DHDDS: variants seen among roughly 807,000 people sequenced by gnomAD.
The protein encoded by DHDDS is dehydrodolichyl diphosphate synthase subunit, also known as dehydrodolichyl diphosphate synthase complex subunit DHDDS.
In DHDDS, 16 loss-of-function variants were observed where a neutral mutation model predicts 46.2. That is an observed-to-expected ratio of 0.35 (90% confidence interval 0.23 to 0.53). The LOEUF is 0.53. Among genes scored for constraint, DHDDS ranks in the 20% least tolerant of loss-of-function variants. The pLI is 0.94. For missense variants in DHDDS, 340 were observed against 423.7 expected (o/e 0.80, Z 1.73); for synonymous variants, 151 against 163.1 (o/e 0.93, Z 0.56).
intron 4 of DHDDS, 195 bp downstream of exon 4, chr1:26,443,068 G>T: frequency 5.1e-6 from 4 of 784,776 alleles, no homozygotes; most frequent in Non-Finnish European, 7.3e-6. Flanking sequence ...AATAAAAAAG[G>T]GGGCATTTAT....
At chr1:26,460,962 C>G (rs767666318) in intron 8 of DHDDS, among the ~76,000 whole-genome samples, 2 of 152,202 alleles carry the variant, frequency 1.3e-5, no homozygotes, top group Admixed American at 6.5e-5. Flanking sequence ...CAACCTCCCC[C>G]TCCTGGGTTT....
chr1:26,451,194 A>C (rs1348779869), intron 6 of DHDDS, among the ~76,000 whole-genome samples: 1 of 152,142 alleles, frequency 6.6e-6, no homozygotes, highest in Non-Finnish European at 1.5e-5. Context: ...CAACCCACCA[A>C]CTCCTGAAGC....
chr1:26,441,549 T>A (rs2075219378), intron 3 of DHDDS, among the ~76,000 whole-genome samples: 1 of 152,094 alleles, frequency 6.6e-6, no homozygotes. Flanking sequence ...CTGCACAGAT[T>A]TTAGGTTTTG....
chr1:26,441,214 C>T (rs1029253132), intron 3 of DHDDS, among the ~76,000 whole-genome samples: 7 of 151,644 alleles, frequency 4.6e-5, no homozygotes, highest in African/African-American at 9.7e-5. Flanking sequence ...TGAGCCACCA[C>T]GCCCGGCCTG....
intron 6 of DHDDS, chr1:26,448,683 C>T (rs1283446821): frequency 6.6e-6 from 1 of 152,124 alleles, no homozygotes; most frequent in African/African-American, 2.4e-5. Flanking sequence ...TTCTGTATTT[C>T]ATTAAGTCAT....
chr1:26,440,548 C>A (rs560687746), intron 3 of DHDDS, among the ~76,000 whole-genome samples: 1 of 152,276 alleles, frequency 6.6e-6, no homozygotes, highest in African/African-American at 2.4e-5. Flanking sequence ...GTAGCACAGG[C>A]CCTGACCTAA....
In DHDDS at chr1:26,468,909, G is replaced by A; in HGVS notation, c.780G>A (p.Met260Ile). 4 of 1,613,512 alleles carry A rather than the reference G, an allele frequency of 2.5e-6. No homozygotes were observed. Among genetic ancestry groups the A allele is most frequent in the Non-Finnish European group, 3.4e-6 (4 of 1,179,956 alleles). Residue 260 changes from methionine (M) to isoleucine (I), a missense_variant, in exon 9 of 9, where the codon ATG becomes ATA. Transcript: ENST00000236342. ...TTCTCTAGCAGAAGGCCCGAGACATGTATGCAGAGGAGCGGAAGAGGCAGC... is the reference window on the plus strand; with the variant it reads ...TTCTCTAGCAGAAGGCCCGAGACATATATGCAGAGGAGCGGAAGAGGCAGC... ...NHSVLQKARD[M>I]YAEERKRQQL...
chr1:26,460,799 C>T (rs373929100), intron 8 of DHDDS, among the ~76,000 whole-genome samples: 2 of 152,140 alleles, frequency 1.3e-5, no homozygotes, highest in South Asian at 4.1e-4. Context: ...TTTTGGTGTC[C>T]TCATTTTTCA....
intron 6 of DHDDS, among the ~76,000 whole-genome samples, chr1:26,451,444 G>GTA (rs2075319119): frequency 2.2e-5 from 2 of 91,096 alleles, no homozygotes; most frequent in Non-Finnish European, 4.4e-5. Context: ...GTGTGTGTGT[G>GTA]TGTGTGTATT....
rs2075533100 is a variant in DHDDS at position 26,469,694 on chromosome 1, C to T, written c.*563C>T. The T allele has an allele frequency of 4.5e-6, 1 of 219,948 alleles. No individual in the cohort carries two copies. Among genetic ancestry groups the T allele is most frequent in the Admixed American group, 5.2e-5 (1 of 19,338 alleles). 13.6% of individuals were successfully genotyped at this position (219,948 alleles called of 1,614,324 possible). ...CTGGGATTTGCTATTGAATCTCTAC[C>T]CTCTCCCACCACACAGTACTGATTG... On this transcript the variant is annotated 3_prime_UTR_variant, in exon 9 of 9. Coordinates refer to ENST00000236342, the MANE Select transcript of DHDDS (RefSeq NM_205861.3).
intron 6 of DHDDS, chr1:26,448,190 TTTC>T: frequency 6.9e-6 from 1 of 145,824 alleles, no homozygotes; most frequent in African/African-American, 2.7e-5. Flanking sequence ...GTGTTTTTCT[TTTC>T]TTTTTTTTTT....
intron 8 of DHDDS, among the ~76,000 whole-genome samples, chr1:26,466,717 G>A (rs775438401): frequency 3.9e-5 from 6 of 152,308 alleles, no homozygotes; most frequent in Middle Eastern, 3.4e-3. Context: ...GTTGCTGAGC[G>A]TCCCCCATCC....
intron 2 of DHDDS, among the ~76,000 whole-genome samples, chr1:26,437,062 C>T (rs1031556855): frequency 2.0e-5 from 3 of 151,630 alleles, no homozygotes; most frequent in African/African-American, 4.8e-5. Context: ...CACAGCTACT[C>T]GGGAGGCTGA....
At chr1:26,438,723 C>CA (rs201602890) in intron 3 of DHDDS, 1 of 159,826 alleles carries the variant, frequency 6.3e-6, no homozygotes, top group South Asian at 1.6e-4. Context: ...GACACCATCT[C>CA]AAGAAAAAAA....
intron 4 of DHDDS, among the ~76,000 whole-genome samples, chr1:26,444,628 CCCAG>C (rs2075250895): frequency 6.6e-6 from 1 of 152,138 alleles, no homozygotes; most frequent in Non-Finnish European, 1.5e-5. Flanking sequence ...TGCCTATAAT[CCCAG>C]CTATGTGGGA....
Position 26,436,622 on chromosome 1 carries a change from A to G in DHDDS, c.64-1546A>G, listed in dbSNP as rs186385923. On this transcript the variant is annotated intron_variant, in intron 2 of 8. Coordinates refer to ENST00000236342, the MANE Select transcript of DHDDS (RefSeq NM_205861.3). ...GTATTTTTAGTAGAGACGGGGTTTC[A>G]CCGTGTTAGCCAGGATGGGCTCGAT... Among the ~76,000 whole-genome samples the G allele has an allele frequency of 5.2e-4, 78 of 151,202 alleles. 2 individuals carry two copies. Among genetic ancestry groups the G allele is most frequent in the African/African-American group, 1.8e-3 (75 of 41,210 alleles).
At chr1:26,459,936 C>A in intron 7 of DHDDS, 101 bp from the exon 8 acceptor site, 1 of 926,060 alleles carries the variant, frequency 1.1e-6, no homozygotes, top group Non-Finnish European at 1.8e-6. Flanking sequence ...CATCTCTGGG[C>A]TTCTGGGTCC....
intron 5 of DHDDS, among the ~76,000 whole-genome samples, chr1:26,447,199 A>C (rs560601392): frequency 6.6e-6 from 1 of 152,234 alleles, no homozygotes; most frequent in South Asian, 2.1e-4. Context: ...GTGCACCTGT[A>C]ATCCCAGCTA....
chr1:26,454,040 G>A (rs1411086090), intron 6 of DHDDS, among the ~76,000 whole-genome samples: 3 of 151,780 alleles, frequency 2.0e-5, no homozygotes, highest in African/African-American at 7.3e-5. Flanking sequence ...TACAAGCTCC[G>A]CCTCCCGGGT....
Sources: allele counts gnomAD v4.1 joint callset (sites outside exome capture counted in the v4.1 genomes callset), GRCh38; gene constraint gnomAD v4.1.1; transcripts MANE v1.5; gene names NCBI Gene and HGNC (gene_info 2026-07-23, HGNC 2026-07-21).